SLCO3A1: variants seen among roughly 807,000 people sequenced by gnomAD.
SLCO3A1 encodes PGE1 transporter.
A neutral mutation model predicts 63.1 loss-of-function variants in SLCO3A1; 27 were observed. The observed-to-expected ratio is 0.43, with a 90% CI of 0.32 to 0.59. The LOEUF (loss-of-function observed/expected upper bound fraction) is 0.59, where lower values mean the gene tolerates loss of function less well. Ranked by LOEUF, SLCO3A1 falls within the 20% of genes least tolerant of loss-of-function variation. The probability of loss-of-function intolerance (pLI) is 0.09; values close to 1 mark genes in which losing one functional copy is unlikely to be tolerated. For missense variants in SLCO3A1, 773 were observed against 945.8 expected, an observed-to-expected ratio of 0.82 and a Z score of 2.40; for synonymous variants, 473 against 409.9, an observed-to-expected ratio of 1.15 and a Z score of -1.86.
chr15:92,098,650 C>A (rs1447552019), intron 3 of SLCO3A1, among the ~76,000 whole-genome samples: 1 of 152,174 alleles, frequency 6.6e-6, no homozygotes, highest in Non-Finnish European at 1.5e-5. Context: ...ACATAGATTG[C>A]CTCATTGGAG....
chr15:92,093,730 A>G (rs2047505417), intron 2 of SLCO3A1, among the ~76,000 whole-genome samples: 2 of 152,170 alleles, frequency 1.3e-5, no homozygotes, highest in Admixed American at 6.5e-5. Flanking sequence ...GAAGGAGCTC[A>G]GTAAAACTTG....
Position 92,165,704 on chromosome 15 carries a change from A to G in SLCO3A1, c.*2569A>G, listed in dbSNP as rs1302169797. 5 of 985,126 alleles carry G rather than the reference A, an allele frequency of 5.1e-6. No individual in the cohort carries two copies. Among genetic ancestry groups the G allele is most frequent in the Middle Eastern group, 5.2e-4 (1 of 1,934 alleles). 61.0% of individuals were successfully genotyped at this position (985,126 alleles called of 1,614,324 possible). On this transcript the variant is annotated 3_prime_UTR_variant, in exon 10 of 10. Coordinates refer to ENST00000318445, the MANE Select transcript of SLCO3A1 (RefSeq NM_013272.4). ...TGTGTCGTCTTTTAAAATTTTAATT[A>G]TTCTCATATAGTACCGAACAGAAAA...
intron 1 of SLCO3A1, among the ~76,000 whole-genome samples, chr15:91,870,275 T>A (rs1435470275): frequency 1.3e-5 from 2 of 152,206 alleles, no homozygotes; most frequent in Admixed American, 6.5e-5. Context: ...ATAAAATGTA[T>A]GTTCTAAAAA....
chr15:92,008,870 T>A (rs1567064086), intron 2 of SLCO3A1, among the ~76,000 whole-genome samples: 1 of 152,166 alleles, frequency 6.6e-6, no homozygotes, highest in East Asian at 1.9e-4. Flanking sequence ...TCAGTCATGG[T>A]CAAAAAGGCA....
chr15:91,880,887 T>C (rs2151345448), intron 1 of SLCO3A1, among the ~76,000 whole-genome samples: 1 of 152,278 alleles, frequency 6.6e-6, no homozygotes, highest in African/African-American at 2.4e-5. Flanking sequence ...TATGGTTCTC[T>C]TCTTGGTTTT....
intron 2 of SLCO3A1, among the ~76,000 whole-genome samples, chr15:91,924,071 G>T (rs1269399701): frequency 6.6e-6 from 1 of 152,206 alleles, no homozygotes; most frequent in Admixed American, 6.5e-5. Flanking sequence ...AAATGAGTGA[G>T]GCCAGGAGTG....
chr15:91,908,651 G>A (rs1185278478), intron 1 of SLCO3A1: 1 of 151,860 alleles, frequency 6.6e-6, no homozygotes, highest in African/African-American at 2.4e-5. Context: ...AATGACTTCT[G>A]GGCTTAGGTG....
At chr15:92,050,788 A>G (rs1449601275) in intron 2 of SLCO3A1, among the ~76,000 whole-genome samples, 1 of 152,088 alleles carries the variant, frequency 6.6e-6, no homozygotes, top group Non-Finnish European at 1.5e-5. Flanking sequence ...GCTTATCACA[A>G]CTGGGAGAGC....
rs74503319 is a variant in SLCO3A1 at position 92,106,917 on chromosome 15, G to A, written c.1009+2375G>A. Among the ~76,000 whole-genome samples the A allele has an allele frequency of 2.5e-4, 38 of 152,268 alleles. No individual in the cohort carries two copies. The East Asian group carries it at 6.4e-3, about 26-fold the overall frequency. ...AGCATTCTTGGGTCATGATTCAGTC[G>A]CTCATTAACTCATTTGTTTTATTCC... On this transcript the variant is annotated intron_variant, in intron 4 of 9. Coordinates refer to ENST00000318445, the MANE Select transcript of SLCO3A1 (RefSeq NM_013272.4).
chr15:92,025,263 A>C (rs891312421), intron 2 of SLCO3A1, among the ~76,000 whole-genome samples: 1 of 151,374 alleles, frequency 6.6e-6, no homozygotes, highest in Non-Finnish European at 1.5e-5. Flanking sequence ...TTTTAAATTC[A>C]AGAAGCCAAG....
intron 1 of SLCO3A1, among the ~76,000 whole-genome samples, chr15:91,878,204 G>C (rs1897452578): frequency 6.7e-6 from 1 of 149,022 alleles, no homozygotes; most frequent in Non-Finnish European, 1.5e-5. Flanking sequence ...TCCTGCCTCA[G>C]CCTCCCGGAT....
At chr15:92,117,666 G>A (rs184705501) in intron 4 of SLCO3A1, among the ~76,000 whole-genome samples, 85 of 152,282 alleles carry the variant, frequency 5.6e-4, no homozygotes, top group Admixed American at 1.6e-3. Context: ...TTGTTGTTGT[G>A]TGGCATGGCC....
chr15:91,859,563 G>A lies in SLCO3A1; in HGVS notation c.180+5475G>A, dbSNP rs960978023. ...TGTCTGTGGCAGCTGTCGCTTATTC[G>A]ATGAGTGTTAGAAGACTGGGATTCA... On this transcript the variant is annotated intron_variant, in intron 1 of 9. Coordinates refer to ENST00000318445, the MANE Select transcript of SLCO3A1 (RefSeq NM_013272.4). This position sits in a 1 kb window ranked among gnomAD's most constrained non-coding sequence, Gnocchi z 5.1. Among the ~76,000 whole-genome samples the A allele has an allele frequency of 2.6e-5, 4 of 152,284 alleles. No homozygotes were observed.
chr15:92,002,528 C>T (rs1416986884), intron 2 of SLCO3A1, among the ~76,000 whole-genome samples: 1 of 152,170 alleles, frequency 6.6e-6, no homozygotes, highest in Non-Finnish European at 1.5e-5. Flanking sequence ...AAATTATTAA[C>T]ATGGAATGCA....
chr15:92,041,609 C>T (rs968061688), intron 2 of SLCO3A1, among the ~76,000 whole-genome samples: 1 of 152,174 alleles, frequency 6.6e-6, no homozygotes, highest in African/African-American at 2.4e-5. Flanking sequence ...TCAGGTTTCA[C>T]TGAATATATG....
intron 2 of SLCO3A1, among the ~76,000 whole-genome samples, chr15:91,960,356 T>C (rs1395081499): frequency 6.6e-6 from 1 of 152,236 alleles, no homozygotes; most frequent in African/African-American, 2.4e-5. Flanking sequence ...GTAATGGGTA[T>C]GGAGACACCA....
At chr15:92,086,443 T>C (rs933491320) in intron 2 of SLCO3A1, among the ~76,000 whole-genome samples, 15 of 152,230 alleles carry the variant, frequency 9.9e-5, no homozygotes, top group Admixed American at 3.9e-4. Context: ...TTTCTGTCGA[T>C]TTTTCTCCTG....
exon 11 of SLCO3A1, chr15:92,171,871 C>CCCTCTT (rs909885667): frequency 4.5e-6 from 7 of 1,546,718 alleles, no homozygotes; most frequent in South Asian, 2.4e-5. Flanking sequence ...GAGGGCCTGG[C>CCCTCTT]CCTCTTCCTC....
intron 3 of SLCO3A1, among the ~76,000 whole-genome samples, 161 bp from the exon 4 acceptor site, chr15:92,104,118 G>A (rs1258971140): frequency 6.6e-6 from 1 of 152,190 alleles, no homozygotes; most frequent in Non-Finnish European, 1.5e-5. Flanking sequence ...CAGAACCGCT[G>A]GTGTGGAACA....
Sources: gnomAD v4.1 joint callset for allele counts (sites outside exome capture counted in the v4.1 genomes callset) on GRCh38, gnomAD v4.1.1 for gene constraint, Gnocchi (gnomAD v3.1) non-coding constraint, MANE v1.5 for transcripts, NCBI Gene and HGNC (gene_info 2026-07-23, HGNC 2026-07-21) for gene names.